PHF2: variants seen among roughly 807,000 people sequenced by gnomAD.
PHF2 encodes lysine-specific demethylase PHF2.
PHF2 carries 27 observed loss-of-function variants against 120.5 expected under a neutral mutation model. The ratio of observed to expected loss-of-function variants is 0.22; its 90% CI spans 0.17 to 0.31. The LOEUF is 0.31. Among genes scored for constraint, PHF2 ranks in the 10% least tolerant of loss-of-function variants. The pLI, the probability that PHF2 is intolerant of heterozygous loss-of-function variation, is 1.00. For missense variants in PHF2, 1,024 were observed against 1,434.8 expected, an observed-to-expected ratio of 0.71 and a Z score of 4.63; for synonymous variants, 568 against 592.5, an observed-to-expected ratio of 0.96 and a Z score of 0.60.
chr9:93,621,190 C>G (rs10992806), intron 1 of PHF2, among the ~76,000 whole-genome samples: 74,730 of 152,082 alleles, frequency 0.49, 18,829 homozygotes, highest in African/African-American at 0.55. Context: ...CTTGGAGGGG[C>G]AGGAGGGGCA....
At chr9:93,649,374 CTTTTTTTTTTTT>C (rs752368762) in intron 5 of PHF2, among the ~76,000 whole-genome samples, 162 bp downstream of exon 5, 1 of 105,832 alleles carries the variant, frequency 9.4e-6, no homozygotes, top group African/African-American at 3.8e-5. Context: ...AAATTTTTTC[CTTTTTTTTTTTT>C]TTTTTTTTTT....
intron 7 of PHF2, among the ~76,000 whole-genome samples, chr9:93,655,399 C>T (rs1447521014): frequency 6.6e-6 from 1 of 151,634 alleles, no homozygotes. Context: ...TCCTCATAGT[C>T]GCAGCTATTT....
intron 1 of PHF2, among the ~76,000 whole-genome samples, chr9:93,591,756 C>T (rs1280393335): frequency 1.3e-5 from 2 of 152,182 alleles, no homozygotes; most frequent in East Asian, 3.8e-4. Flanking sequence ...TGATAATCTA[C>T]GTCACAGCTT....
Position 93,659,590 on chromosome 9 carries a change from G to A in PHF2, c.1319G>A (p.Arg440Gln), listed in dbSNP as rs748535292. 23 of 1,613,962 alleles carry A rather than the reference G, an allele frequency of 1.4e-5. No homozygotes were observed. Among genetic ancestry groups the A allele is most frequent in the Non-Finnish European group, 1.7e-5 (20 of 1,179,928 alleles). ...ATCAAAGACCTGGCCAAAGAGATCC[G>A]GCTCAGTGAGGTGGGGCCGTGTCCA... is the stretch of plus-strand genomic sequence containing the variant. ...QLIKDLAKEI[R>Q]LSENASKAVR... The change falls in exon 11 of 22, where the codon CGG (arginine) becomes CAG (glutamine). Residue 440 changes from arginine to glutamine, a missense_variant. Around this residue, in one of 2 missense-constraint regions of PHF2, gnomAD observed 677 missense variants for 857.4 expected, o/e 0.79. Coordinates refer to ENST00000359246, the MANE Select transcript of PHF2 (RefSeq NM_005392.4).
chr9:93,620,978 G>T (rs556481770), intron 1 of PHF2, among the ~76,000 whole-genome samples: 3 of 152,360 alleles, frequency 2.0e-5, no homozygotes, highest in Non-Finnish European at 1.5e-5. Context: ...CTGGATCCTC[G>T]TTAGGTGCTG....
At position 93,658,373 on chromosome 9, in the gene PHF2, C is replaced by T; in HGVS notation, c.1239+137C>T. On this transcript the variant is annotated intron_variant, in intron 10 of 21. Coordinates refer to ENST00000359246, the MANE Select transcript of PHF2 (RefSeq NM_005392.4). ...GCCTGGGAAGGACGGTGGTGCTCCC[C>T]TGCCTGGCTTGGCCCGGGGTGTGCC... 9.6e-6 allele frequency: 7 copies of T among 732,466 alleles called. No homozygotes were observed. In the South Asian group the frequency reaches 1.2e-4, roughly 12 times the overall value. The allele number at this position is 732,466 out of a possible 1,614,324, so 45.4% of individuals were successfully genotyped here.
At position 93,660,528 on chromosome 9, in the gene PHF2, C is replaced by T. The variant is rs888403133; in HGVS notation, c.1666C>T (p.Leu556=). 8 of 1,591,136 alleles carry T rather than the reference C, an allele frequency of 5.0e-6. No individual in the cohort carries two copies. The South Asian group carries it at 9.2e-5, about 18-fold the overall frequency. The part of the protein sequence containing the change: ...DLLEAHTKEA[L]TKMEPPKKGK... Reference sequence around the variant, plus strand: ...GCTCGAAGCCCACACCAAGGAGGCACTGACCAAGATGGAGCCGCCCAAGAA... The same window carrying T: ...GCTCGAAGCCCACACCAAGGAGGCATTGACCAAGATGGAGCCGCCCAAGAA... The change falls in exon 12 of 22, where the codon CTG becomes TTG. Residue 556 remains leucine (L), a synonymous_variant. Transcript: ENST00000359246.
chr9:93,625,221 A>G (rs1437100757), intron 1 of PHF2, among the ~76,000 whole-genome samples: 1 of 152,344 alleles, frequency 6.6e-6, no homozygotes, highest in East Asian at 1.9e-4. Context: ...TGTGAGTGGA[A>G]TCATACAGCA....
chr9:93,673,737 G>C lies in PHF2; in HGVS notation c.2501G>C (p.Gly834Ala). 1.9e-6 allele frequency: 3 copies of C among 1,613,420 alleles called. No homozygotes were observed. Among genetic ancestry groups the C allele is most frequent in the Non-Finnish European group, 2.5e-6 (3 of 1,179,786 alleles). Residue 834 changes from glycine to alanine, a missense_variant, in exon 18 of 22, where the codon GGG (glycine) becomes GCG (alanine). Physicochemically the swap from Gly to Ala is moderately conservative, Grantham distance 60 (BLOSUM62 0). Coordinates refer to ENST00000359246, the MANE Select transcript of PHF2 (RefSeq NM_005392.4). Reference sequence around the variant, plus strand: ...GCTGCCCATGGTGCCCGGAAGAATGGGGGTGGCAGTGGCAAGAGTGCAGGC... The same window carrying C: ...GCTGCCCATGGTGCCCGGAAGAATGCGGGTGGCAGTGGCAAGAGTGCAGGC... ...SLAAHGARKNGGGSGKSAGKR... is the reference protein window; with the variant it reads ...SLAAHGARKNAGGSGKSAGKR...
chr9:93,609,636 G>A (rs909388664), intron 1 of PHF2, among the ~76,000 whole-genome samples: 4 of 151,676 alleles, frequency 2.6e-5, no homozygotes, highest in Admixed American at 6.6e-5. Flanking sequence ...AAGTCCAAGC[G>A]CAATTCTGTC....
chr9:93,662,904 T>C lies in PHF2; in HGVS notation c.1699-3T>C. ...TCTGGGTCACAGCAGCCCTTTTTTC[T>C]AGGCCACAAAGAGTGTCCTGAGTGT... On this transcript the variant is annotated splice_region_variant and splice_polypyrimidine_tract_variant and intron_variant, in intron 12 of 21. Coordinates refer to ENST00000359246, the MANE Select transcript of PHF2 (RefSeq NM_005392.4). The C allele has an allele frequency of 6.2e-7, 1 of 1,613,978 alleles. No homozygotes were observed. The highest frequency in any genetic ancestry group is 8.5e-7 in the Non-Finnish European group (1 of 1,179,912).
At position 93,667,133 on chromosome 9, in the gene PHF2, C is replaced by T. The variant is rs541952717; in HGVS notation, c.2241C>T (p.Pro747=). The T allele has an allele frequency of 3.0e-5, 48 of 1,613,190 alleles. No individual in the cohort carries two copies. The South Asian group carries it at 3.8e-4, about 13-fold the overall frequency. ...GSLHIDTDTK[P]GRNARVKKES... Reference sequence around the variant, plus strand: ...TGCACATCGACACAGACACCAAGCCCGGCCGCAATGCCAGAGTCAAGAAGG... The same window carrying T: ...TGCACATCGACACAGACACCAAGCCTGGCCGCAATGCCAGAGTCAAGAAGG... The change falls in exon 17 of 22, where the codon CCC becomes CCT. Residue 747 remains proline (P), a synonymous_variant. Coordinates refer to ENST00000359246, the MANE Select transcript of PHF2 (RefSeq NM_005392.4).
chr9:93,671,415 T>A (rs1425996334), intron 17 of PHF2, among the ~76,000 whole-genome samples: 5 of 109,582 alleles, frequency 4.6e-5, no homozygotes, highest in Non-Finnish European at 5.7e-5. Flanking sequence ...TGGGTGTGGA[T>A]GTAGGTACAG....
Position 93,644,076 on chromosome 9 carries a change from C to T in PHF2, c.300-1553C>T, listed in dbSNP as rs200172781. On this transcript the variant is annotated intron_variant, in intron 3 of 21. Coordinates refer to ENST00000359246, the MANE Select transcript of PHF2 (RefSeq NM_005392.4). The stretch of plus-strand genomic sequence containing the variant: ...GCAATGGACAACCCGCAGACTACAC[C>T]ACTGCCCTGCTTAGAATTCCAGAGG... Among the ~76,000 whole-genome samples, 4 of 152,292 alleles carry T rather than the reference C, an allele frequency of 2.6e-5. No homozygotes were observed. The East Asian group carries it at 7.7e-4, about 29-fold the overall frequency.
At chr9:93,642,593 C>G (rs1826188214) in intron 3 of PHF2, among the ~76,000 whole-genome samples, 1 of 152,164 alleles carries the variant, frequency 6.6e-6, no homozygotes, top group Non-Finnish European at 1.5e-5. Context: ...ACATCTCTTG[C>G]TAATGAGATA....
At chr9:93,601,726 G>A (rs1825441882) in intron 1 of PHF2, among the ~76,000 whole-genome samples, 1 of 152,128 alleles carries the variant, frequency 6.6e-6, no homozygotes, top group South Asian at 2.1e-4. Flanking sequence ...ATTGCTTGCT[G>A]TGTGCTGAGG....
intron 1 of PHF2, among the ~76,000 whole-genome samples, chr9:93,580,066 G>A (rs1465938788): frequency 6.6e-6 from 1 of 152,196 alleles, no homozygotes; most frequent in Admixed American, 6.5e-5. Context: ...AGTAGAGGTC[G>A]GGGAAACAGG....
chr9:93,670,205 C>T (rs1221537872), intron 17 of PHF2, among the ~76,000 whole-genome samples: 1 of 152,204 alleles, frequency 6.6e-6, no homozygotes, highest in East Asian at 1.9e-4. Context: ...GGCAGGCACC[C>T]CGTGTGCCCC....
intron 1 of PHF2, among the ~76,000 whole-genome samples, chr9:93,598,463 A>G (rs1332100374): frequency 2.0e-5 from 3 of 152,106 alleles, no homozygotes; most frequent in Admixed American, 1.3e-4. Context: ...CCACCCTTCC[A>G]TAAGTGGCAG....
Sources: gnomAD v4.1 joint callset for allele counts (sites outside exome capture counted in the v4.1 genomes callset) on GRCh38, gnomAD v4.1.1 for gene constraint, gnomAD v4.1.1 regional missense constraint, MANE v1.5 for transcripts, NCBI Gene and HGNC (gene_info 2026-07-23, HGNC 2026-07-21) for gene names.